The following LGI1 variants were observed in gnomAD, a reference collection of about 807,000 sequenced individuals.
The protein encoded by LGI1 is leucine-rich glioma-inactivated protein 1.
A neutral mutation model predicts 57.7 loss-of-function variants in LGI1; 11 were observed. That is an observed-to-expected ratio of 0.19 (90% CI 0.12 to 0.32). LGI1 has a LOEUF of 0.32. LGI1 is among the 10% of genes least tolerant of loss of function. The pLI is 1.00. For missense variants in LGI1, 422 were observed against 661.9 expected (o/e 0.64, Z 3.98); for synonymous variants, 222 against 241.9 (o/e 0.92, Z 0.76).
In LGI1 at chr10:93,758,485, T is replaced by C. The variant is rs2133975813; in HGVS notation, c.215+126T>C. 3.0e-6 allele frequency: 3 copies of C among 1,004,462 alleles called. 1 individual carries two copies. Among genetic ancestry groups the C allele is most frequent in the Non-Finnish European group, 4.7e-6 (3 of 643,168 alleles). 62.2% of individuals were successfully genotyped at this position (1,004,462 alleles called of 1,614,324 possible). On this transcript the variant is annotated intron_variant, in intron 1 of 7. Transcript: ENST00000371418. This position sits in a 1 kb window ranked among gnomAD's most constrained non-coding sequence, Gnocchi z 4.7. Reference sequence around the variant, plus strand: ...GATTCCTCTTGCATGCTTGGCCATTTGACAGTGCTAACATTTGCTGCATTT... The same window carrying C: ...GATTCCTCTTGCATGCTTGGCCATTCGACAGTGCTAACATTTGCTGCATTT...
intron 2 of LGI1, chr10:93,770,838 C>T (rs2059729384): frequency 6.6e-6 from 1 of 151,926 alleles, no homozygotes; most frequent in African/African-American, 2.4e-5. Flanking sequence ...ATTCTAAATT[C>T]CCATTGAAAT....
chr10:93,797,826 A>G lies in LGI1; in HGVS notation c.*23A>G, dbSNP rs982253842. 11 of 1,543,486 alleles carry G rather than the reference A, an allele frequency of 7.1e-6. No individual in the cohort carries two copies. The highest frequency in any genetic ancestry group is 5.4e-5 in the African/African-American group (4 of 73,744). On this transcript the variant is annotated 3_prime_UTR_variant, in exon 8 of 8. Transcript: ENST00000371418. This position sits in a 1 kb window ranked among gnomAD's most constrained non-coding sequence, Gnocchi z 6.5. The stretch of plus-strand genomic sequence containing the variant: ...TGAGACACCAAATTCTGTGGCTGCC[A>G]TCAGAAATTTTCTACAGTACATGAC...
At chr10:93,773,742 A>T (rs1254897010) in intron 2 of LGI1, among the ~76,000 whole-genome samples, 1 of 152,052 alleles carries the variant, frequency 6.6e-6, no homozygotes, top group African/African-American at 2.4e-5. Context: ...GATCAGGCAC[A>T]CCCCTGTGTC....
intron 4 of LGI1, among the ~76,000 whole-genome samples, chr10:93,783,688 C>T (rs936534734): frequency 2.0e-5 from 3 of 152,198 alleles, no homozygotes; most frequent in South Asian, 2.1e-4. Context: ...CTCGTCTACT[C>T]CAGCCTGCCT....
chr10:93,773,089 CAA>C (rs59656970), intron 2 of LGI1, among the ~76,000 whole-genome samples: 4 of 128,078 alleles, frequency 3.1e-5, no homozygotes, highest in African/African-American at 1.1e-4. Context: ...AAAAAAGAAA[CAA>C]AAAAAAAAAA....
At chr10:93,769,748 A>G (rs1312771459) in intron 2 of LGI1, 1 of 152,222 alleles carries the variant, frequency 6.6e-6, no homozygotes, top group Non-Finnish European at 1.5e-5. Flanking sequence ...TCATTCTCCA[A>G]GTGACAACCA....
chr10:93,797,606 G>T lies in LGI1; in HGVS notation c.1477G>T (p.Gly493Ter). The stretch of plus-strand genomic sequence containing the variant: ...AAATAATTACCAATATGCAATTCTT[G>T]GAAGTGATTACTCCTTTACTCAAGT... ...QINNYQYAIL[G>*]SDYSFTQVYN... The change falls in exon 8 of 8, where the codon GGA (glycine) becomes TGA (stop). Residue 493 changes from glycine to a stop codon, truncating the protein, a stop_gained. Transcript: ENST00000371418. LOFTEE classifies it high-confidence loss of function. The surrounding 1 kb of genome is among the most constrained non-coding windows in gnomAD (Gnocchi z 6.5). 1 of 1,614,106 alleles carries T rather than the reference G, an allele frequency of 6.2e-7. No individual in the cohort carries two copies. The highest frequency in any genetic ancestry group is 8.5e-7 in the Non-Finnish European group (1 of 1,179,986).
At chr10:93,779,720 T>TA (rs1178340338) in intron 4 of LGI1, among the ~76,000 whole-genome samples, 7 of 152,138 alleles carry the variant, frequency 4.6e-5, no homozygotes, top group Non-Finnish European at 1.0e-4. Context: ...GAGAGACTGA[T>TA]ACAGAACACG....
chr10:93,766,512 C>CATTTTTTTTTTTTTTT (rs748070539), intron 2 of LGI1, among the ~76,000 whole-genome samples: 2 of 84,588 alleles, frequency 2.4e-5, no homozygotes, highest in African/African-American at 4.9e-5. Flanking sequence ...TTATAGATCT[C>CATTTTTTTTTTTTTTT]TTTTTTTTTT....
rs764195590 is a variant in LGI1, at chr10:93,797,238, A to G, written c.1109A>G (p.His370Arg). ...TGGAACGGAAACGGATTCTACTCCC[A>G]TCAATCCTTACACGCGTGGTACAGG... ...YKWNGNGFYS[H>R]QSLHAWYRDT... Residue 370 changes from histidine to arginine, a missense_variant, in exon 8 of 8, where the codon CAT becomes CGT. Around this residue, in one of 3 missense-constraint regions of LGI1, gnomAD observed 301 missense variants for 461.7 expected, o/e 0.65. Transcript: ENST00000371418. The surrounding 1 kb of genome is among the most constrained non-coding windows in gnomAD (Gnocchi z 6.5). The G allele has an allele frequency of 7.4e-6, 12 of 1,614,200 alleles. No homozygotes were observed. The East Asian group carries it at 2.7e-4, about 36-fold the overall frequency.
intron 4 of LGI1, 101 bp from the exon 5 acceptor site, chr10:93,789,998 G>T (rs974970902): frequency 6.9e-6 from 8 of 1,151,886 alleles, no homozygotes; most frequent in Non-Finnish European, 9.9e-6. Context: ...CTTTTAGTAG[G>T]CTGGAAATGA....
chr10:93,796,354 G>C (rs1047839569), intron 7 of LGI1, among the ~76,000 whole-genome samples: 1 of 152,084 alleles, frequency 6.6e-6, no homozygotes, highest in Non-Finnish European at 1.5e-5. Flanking sequence ...AGACCACAAC[G>C]CTAGCCTTTG....
intron 2 of LGI1, chr10:93,768,780 G>A (rs983305733): frequency 6.6e-6 from 1 of 152,172 alleles, no homozygotes; most frequent in African/African-American, 2.4e-5. Flanking sequence ...TGTGACCTTG[G>A]TTAAGTCACT....
chr10:93,793,200 C>G lies in LGI1; in HGVS notation c.688C>G (p.Gln230Glu). The change falls in exon 7 of 8, where the codon CAA becomes GAA. Residue 230 changes from glutamine (Q) to glutamate (E), a missense_variant. By Grantham distance (29) the Gln-to-Glu change is conservative. Coordinates refer to ENST00000371418, the MANE Select transcript of LGI1 (RefSeq NM_005097.4). ...TATTTTTGCAGAATTTGCAAAGTCT[C>G]AAGACCTGCCTTATCAATCATTGTC... ...DCIITEFAKS[Q>E]DLPYQSLSID... 6.2e-7 allele frequency: 1 copy of G among 1,612,282 alleles called. No individual in the cohort carries two copies.
chr10:93,787,840 G>C (rs2059903120), intron 4 of LGI1, among the ~76,000 whole-genome samples: 1 of 150,312 alleles, frequency 6.7e-6, no homozygotes, highest in Admixed American at 6.7e-5. Context: ...CAGGGACGTT[G>C]AGGCTGCATT....
At chr10:93,774,508 G>T (rs3781267) in intron 2 of LGI1, among the ~76,000 whole-genome samples, 75,018 of 151,914 alleles carry the variant, frequency 0.49, 19,319 homozygotes, top group Admixed American at 0.57. Flanking sequence ...CAACCCTAAG[G>T]CATCCTTTAT....
chr10:93,796,220 C>G (rs1237375145), intron 7 of LGI1, among the ~76,000 whole-genome samples: 1 of 152,204 alleles, frequency 6.6e-6, no homozygotes, highest in Non-Finnish European at 1.5e-5. Context: ...CCACCAGTGA[C>G]CTAAAGCTCC....
intron 4 of LGI1, among the ~76,000 whole-genome samples, chr10:93,783,873 A>G (rs1174018783): frequency 2.0e-5 from 3 of 152,038 alleles, no homozygotes; most frequent in Admixed American, 6.5e-5. Context: ...TTAGCCGGGC[A>G]TGGTGGCGTA....
Position 93,790,079 on chromosome 10 carries a change from C to CAT in LGI1, c.432-20_432-19insAT, listed in dbSNP as rs371933363. 2.1e-6 allele frequency: 3 copies of CAT among 1,407,180 alleles called. No individual in the cohort carries two copies. Among genetic ancestry groups the CAT allele is most frequent in the Non-Finnish European group, 1.9e-6 (2 of 1,041,062 alleles). The allele number at this position is 1,407,180 out of a possible 1,614,324, so 87.2% of individuals were successfully genotyped here. On this transcript the variant is annotated intron_variant, in intron 4 of 7. Transcript: ENST00000371418. ...AATTTATCACTACAGTTTACATCAC[C>CAT]TTTTTTTTTTTTTTTCCAGGAGCCT...
Sources: gnomAD v4.1 joint callset for allele counts (sites outside exome capture counted in the v4.1 genomes callset) on GRCh38, gnomAD v4.1.1 for gene constraint, gnomAD v4.1.1 regional missense constraint, Gnocchi (gnomAD v3.1) non-coding constraint, MANE v1.5 for transcripts, NCBI Gene and HGNC (gene_info 2026-07-23, HGNC 2026-07-21) for gene names.